PDIA4: variants seen among roughly 807,000 people sequenced by gnomAD.
The protein encoded by PDIA4 is protein disulfide isomerase family A member 4, also known as protein disulfide-isomerase A4.
A neutral mutation model predicts 62.1 loss-of-function variants in PDIA4; 33 were observed. The ratio of observed to expected loss-of-function variants is 0.53; its 90% confidence interval spans 0.40 to 0.71. The LOEUF (loss-of-function observed/expected upper bound fraction) is 0.71. Ranked by LOEUF, PDIA4 falls within the 30% of genes least tolerant of loss-of-function variation. The pLI is 0.00. For missense variants in PDIA4, 804 were observed against 813.6 expected, an observed-to-expected ratio of 0.99 and a Z score of 0.14; for synonymous variants, 341 against 324.1, an observed-to-expected ratio of 1.05 and a Z score of -0.56.
At chr7:149,004,338 C>T in intron 9 of PDIA4, 129 bp from the exon 10 acceptor site, 1 of 832,874 alleles carries the variant, frequency 1.2e-6, no homozygotes. Context: ...GAAGAGCCCA[C>T]TACTGTAGAA....
In PDIA4 at chr7:149,003,727, G is replaced by A. The variant is rs534506282; in HGVS notation, c.*67C>T. On this transcript the variant is annotated 3_prime_UTR_variant, in exon 10 of 10. Coordinates refer to ENST00000652332, the MANE Select transcript of PDIA4 (RefSeq NM_004911.5). Reference sequence around the variant, plus strand: ...ACTGTCGTTTGTTGCCGGCCTCGGCGTGGACGCCCCGACCATGGGCCACGC... The same window carrying A: ...ACTGTCGTTTGTTGCCGGCCTCGGCATGGACGCCCCGACCATGGGCCACGC... 1.3e-5 allele frequency: 16 copies of A among 1,253,448 alleles called. 1 individual carries two copies. Among genetic ancestry groups the A allele is most frequent in the Middle Eastern group, 4.1e-4 (2 of 4,892 alleles). The allele number at this position is 1,253,448 out of a possible 1,614,324, so 77.6% of individuals were successfully genotyped here.
In PDIA4 at chr7:149,019,093, G is replaced by A. The variant is rs962696191; in HGVS notation, c.374C>T (p.Ala125Val). Residue 125 changes from alanine to valine, a missense_variant, in exon 3 of 10, where the codon GCG becomes GTG. Coordinates refer to ENST00000652332, the MANE Select transcript of PDIA4 (RefSeq NM_004911.5). ...IPVAKIDATS[A>V]SVLASRFDVS... Reference sequence around the variant, plus strand: ...ATCAAACCTGCTGGCCAGCACAGACGCTGAGGTTGCATCGATCTTGGCAAC... The same window carrying A: ...ATCAAACCTGCTGGCCAGCACAGACACTGAGGTTGCATCGATCTTGGCAAC... The A allele has an allele frequency of 1.1e-5, 17 of 1,613,404 alleles. No homozygotes were observed. In the African/African-American group the frequency reaches 1.7e-4, roughly 16 times the overall value.
rs534732493 is a variant in PDIA4 at position 149,012,481 on chromosome 7, C to T, written c.615-121G>A. ...AACCTGGCCACACCCAGTAAGCCTC[C>T]GAATGCCTCCTAGACCCTCAGGCCC... On this transcript the variant is annotated intron_variant, in intron 4 of 9. Coordinates refer to ENST00000652332, the MANE Select transcript of PDIA4 (RefSeq NM_004911.5). 9.2e-5 allele frequency: 72 copies of T among 784,002 alleles called. 1 individual carries two copies. The highest frequency in any genetic ancestry group is 1.4e-4 in the Non-Finnish European group (66 of 477,714). 48.6% of individuals were successfully genotyped at this position (784,002 alleles called of 1,614,324 possible).
intron 1 of PDIA4, among the ~76,000 whole-genome samples, chr7:149,024,785 C>T (rs1035530189): frequency 6.9e-6 from 1 of 145,358 alleles, no homozygotes; most frequent in Non-Finnish European, 1.5e-5. Context: ...CACTGCACTC[C>T]AGCCTGGCGA....
At chr7:149,012,798 C>T (rs544114803) in intron 4 of PDIA4, among the ~76,000 whole-genome samples, 5 of 152,102 alleles carry the variant, frequency 3.3e-5, no homozygotes, top group South Asian at 2.1e-4. Flanking sequence ...CAGGAGCCCA[C>T]GGGAGGTGGG....
intron 3 of PDIA4, among the ~76,000 whole-genome samples, chr7:149,018,588 C>T (rs1363244612): frequency 2.0e-5 from 3 of 152,254 alleles, no homozygotes; most frequent in Non-Finnish European, 2.9e-5. Flanking sequence ...TGAGCCACTA[C>T]ACCCAGCTAA....
Position 149,012,013 on chromosome 7 carries a change from A to G in PDIA4, c.821-9T>C, listed in dbSNP as rs931924104. 1 of 1,591,894 alleles carries G rather than the reference A, an allele frequency of 6.3e-7. No homozygotes were observed. The stretch of plus-strand genomic sequence containing the variant: ...CATGTAATCAACGATTCCTGGGAGC[A>G]GGGCACACGCCTGAGCAGGGGCACT... On this transcript the variant is annotated splice_polypyrimidine_tract_variant and intron_variant, in intron 5 of 9. Transcript: ENST00000652332.
At chr7:149,022,168 T>C (rs1266859900) in intron 1 of PDIA4, among the ~76,000 whole-genome samples, 2 of 152,122 alleles carry the variant, frequency 1.3e-5, no homozygotes, top group Non-Finnish European at 2.9e-5. Flanking sequence ...CCATAAAAAA[T>C]AGCCCTTCAG....
intron 6 of PDIA4, among the ~76,000 whole-genome samples, chr7:149,009,592 T>TG (rs1431329052): frequency 9.9e-5 from 15 of 152,184 alleles, no homozygotes; most frequent in African/African-American, 3.4e-4. Context: ...TGAAAATGCA[T>TG]GATGAAACCC....
At chr7:149,007,875 G>A (rs939899107) in intron 7 of PDIA4, among the ~76,000 whole-genome samples, 1 of 152,260 alleles carries the variant, frequency 6.6e-6, no homozygotes, top group Non-Finnish European at 1.5e-5. Context: ...CCTGCCAGGA[G>A]GGACAAAGGG....
rs1216166015 is a variant in PDIA4, at chr7:149,025,550, G to C, written c.88+2771C>G. 3.3e-5 allele frequency among the ~76,000 whole-genome samples: 5 copies of C among 152,276 alleles called. No individual in the cohort carries two copies. The East Asian group carries it at 7.7e-4, about 23-fold the overall frequency. Reference sequence around the variant, plus strand: ...TAAACACACCACTTCACCCCTTAAGGGAGACTGTATTACACGTTATATTGT... The same window carrying C: ...TAAACACACCACTTCACCCCTTAAGCGAGACTGTATTACACGTTATATTGT... On this transcript the variant is annotated intron_variant, in intron 1 of 9. Transcript: ENST00000652332.
chr7:149,017,524 C>CGGTGAGCTG (rs1371380532), intron 3 of PDIA4, among the ~76,000 whole-genome samples: 1 of 151,980 alleles, frequency 6.6e-6, no homozygotes, highest in Non-Finnish European at 1.5e-5. Flanking sequence ...GTGGAGGTTG[C>CGGTGAGCTG]GGTGAGCTGA....
At chr7:149,027,974 G>A (rs1012136498) in intron 1 of PDIA4, 5 of 521,112 alleles carry the variant, frequency 9.6e-6, no homozygotes, top group East Asian at 5.3e-5. Flanking sequence ...CCTGGAGTTA[G>A]CCTGGACCTG....
rs758253040 is a variant in PDIA4 at position 149,028,417 on chromosome 7, G to C, written c.-9C>G. ...GCTTTCCGGGGCCTCATGGTAGCGG[G>C]GGCGGAGCGCGGCCTCCTAGCGTCG... On this transcript the variant is annotated 5_prime_UTR_variant, in exon 1 of 10. Transcript: ENST00000652332. 10 of 1,490,044 alleles carry C rather than the reference G, an allele frequency of 6.7e-6. No homozygotes were observed. The highest frequency in any genetic ancestry group is 1.5e-5 in the African/African-American group (1 of 68,432). 92.3% of individuals were successfully genotyped at this position (1,490,044 alleles called of 1,614,324 possible).
At chr7:149,007,832 G>T (rs1284914259) in intron 7 of PDIA4, among the ~76,000 whole-genome samples, 1 of 152,278 alleles carries the variant, frequency 6.6e-6, no homozygotes, top group Non-Finnish European at 1.5e-5. Context: ...CAAACCCACA[G>T]TGGAACAGGC....
chr7:149,007,550 AGGG>A (rs1823805709), intron 7 of PDIA4, among the ~76,000 whole-genome samples: 1 of 152,222 alleles, frequency 6.6e-6, no homozygotes, highest in Non-Finnish European at 1.5e-5. Context: ...ACCGAAGTGC[AGGG>A]CCCCTTCTAA....
chr7:149,009,866 C>A (rs1470829819), intron 6 of PDIA4, among the ~76,000 whole-genome samples: 1 of 152,188 alleles, frequency 6.6e-6, no homozygotes, highest in South Asian at 2.1e-4. Flanking sequence ...ACCTTCAGTC[C>A]CTCTCCATTC....
At chr7:149,007,309 C>A (rs149127500) in intron 7 of PDIA4, among the ~76,000 whole-genome samples, 1 of 152,268 alleles carries the variant, frequency 6.6e-6, no homozygotes, top group Non-Finnish European at 1.5e-5. Context: ...TGTCCTGTCA[C>A]ACCCCCTGCT....
chr7:149,011,846 C>T lies in PDIA4; in HGVS notation c.979G>A (p.Ala327Thr), dbSNP rs140131927. 38 of 1,561,458 alleles carry T rather than the reference C, an allele frequency of 2.4e-5. No homozygotes were observed. In the East Asian group the frequency reaches 4.0e-4, roughly 17 times the overall value. The part of the protein sequence containing the change: ...DPAYQQYQDA[A>T]NNLREDYKFH... ...TTCAGCCCAGAGGGCCACAACTCAC[C>T]GGCATCCTGGTATTGCTGGTAGGCT... Residue 327 changes from alanine (A) to threonine (T), a missense_variant and splice_region_variant, in exon 6 of 10, where the codon GCT becomes ACT. Transcript: ENST00000652332.
Sources: gnomAD v4.1 joint callset for allele counts (sites outside exome capture counted in the v4.1 genomes callset) on GRCh38, gnomAD v4.1.1 for gene constraint, MANE v1.5 for transcripts, NCBI Gene and HGNC (gene_info 2026-07-23, HGNC 2026-07-21) for gene names.